The following MTCL3 variants were observed in gnomAD, a reference collection of about 807,000 sequenced individuals.
The protein encoded by MTCL3 is microtubule cross-linking factor 3.
chr6:127,514,283 T>C, the MTCL3 span, among the ~76,000 whole-genome samples: 3 of 151,968 alleles, frequency 2.0e-5, no homozygotes, highest in Non-Finnish European at 1.5e-5. Context: ...TTTTTCCCCC[T>C]CAGGGAGTCA....
the MTCL3 span, among the ~76,000 whole-genome samples, chr6:127,485,657 G>A: frequency 2.6e-5 from 4 of 152,092 alleles, no homozygotes. Context: ...TCATTTCATA[G>A]GTATTTAGTT....
the MTCL3 span, among the ~76,000 whole-genome samples, chr6:127,478,743 G>A: frequency 6.6e-6 from 1 of 152,240 alleles, no homozygotes; most frequent in Non-Finnish European, 1.5e-5. Context: ...ATATGGCCAG[G>A]CGCGGTCACT....
chr6:127,500,616 T>C, the MTCL3 span, among the ~76,000 whole-genome samples: 27 of 152,184 alleles, frequency 1.8e-4, no homozygotes, highest in African/African-American at 4.6e-4. Flanking sequence ...CAGATTATTT[T>C]ATCACCTAGG....
the MTCL3 span, chr6:127,515,911 C>T: frequency 3.1e-6 from 5 of 1,611,194 alleles, no homozygotes; most frequent in South Asian, 4.4e-5. The surrounding 1 kb of genome is among the most constrained non-coding windows in gnomAD (Gnocchi z 4.3). Context: ...AACGCCGCTT[C>T]CGGAGTTTCT....
At chr6:127,493,081 A>G in the MTCL3 span, among the ~76,000 whole-genome samples, 2 of 152,156 alleles carry the variant, frequency 1.3e-5, no homozygotes, top group Non-Finnish European at 1.5e-5. Context: ...GCCTTTATCT[A>G]TGCCTCTGAT....
At chr6:127,481,494 A>G in the MTCL3 span, 15 of 985,090 alleles carry the variant, frequency 1.5e-5, no homozygotes, top group Non-Finnish European at 1.8e-5. Flanking sequence ...AAAACAGAGC[A>G]GGAACAGAGC....
the MTCL3 span, chr6:127,476,019 C>A: frequency 6.2e-7 from 1 of 1,611,354 alleles, no homozygotes; most frequent in South Asian, 1.1e-5. The surrounding 1 kb of genome is among the most constrained non-coding windows in gnomAD (Gnocchi z 4.4). Context: ...TGCGCTTGTT[C>A]TGCTCCTCCA....
the MTCL3 span, among the ~76,000 whole-genome samples, chr6:127,494,566 C>T: frequency 7.9e-5 from 12 of 152,136 alleles, no homozygotes; most frequent in Non-Finnish European, 1.6e-4. Flanking sequence ...AAAATATTTC[C>T]TGGATCCTTA....
the MTCL3 span, chr6:127,516,388 T>A: frequency 1.1e-5 from 18 of 1,600,472 alleles, no homozygotes; most frequent in Non-Finnish European, 1.4e-5. Context: ...TTGCTGCTGC[T>A]GCAGCTGCTG....
At chr6:127,499,835 G>A in the MTCL3 span, among the ~76,000 whole-genome samples, 1 of 152,266 alleles carries the variant, frequency 6.6e-6, no homozygotes, top group African/African-American at 2.4e-5. Flanking sequence ...GTGGAAGGTG[G>A]GAGAAGAGAT....
the MTCL3 span, among the ~76,000 whole-genome samples, chr6:127,487,124 A>G: frequency 2.0e-5 from 3 of 152,212 alleles, no homozygotes; most frequent in African/African-American, 7.2e-5. Context: ...CATTGTCTGA[A>G]GCACACAATG....
chr6:127,514,056 T>C, the MTCL3 span, among the ~76,000 whole-genome samples: 1 of 152,228 alleles, frequency 6.6e-6, no homozygotes, highest in Non-Finnish European at 1.5e-5. Flanking sequence ...TATACTTATT[T>C]GGTTGTGCAA....
chr6:127,477,964 A>T, the MTCL3 span, among the ~76,000 whole-genome samples: 866 of 152,316 alleles, frequency 5.7e-3, 9 homozygotes, highest in African/African-American at 0.02. Context: ...TAAAAGAAAA[A>T]AAAATAGAGC....
At chr6:127,512,930 T>G in the MTCL3 span, 23 of 1,612,390 alleles carry the variant, frequency 1.4e-5, no homozygotes, top group African/African-American at 2.9e-4. Context: ...AAGCTTGCTT[T>G]GCAATTTCAA....
the MTCL3 span, chr6:127,481,250 A>G: frequency 2.1e-6 from 2 of 948,610 alleles, no homozygotes; most frequent in Non-Finnish European, 1.3e-6. Flanking sequence ...TAAACAAGGT[A>G]GGAAAGAAGA....
chr6:127,518,711 C>T, the MTCL3 span: 1 of 152,328 alleles, frequency 6.6e-6, no homozygotes, highest in Non-Finnish European at 1.5e-5. Flanking sequence ...TTATTGTATG[C>T]GACTTTCCGG....
chr6:127,486,895 T>C, the MTCL3 span, among the ~76,000 whole-genome samples: 5 of 152,172 alleles, frequency 3.3e-5, no homozygotes, highest in African/African-American at 4.8e-5. Flanking sequence ...CAGAGAAGAA[T>C]GTGCCTAACA....
At chr6:127,492,583 C>T in the MTCL3 span, among the ~76,000 whole-genome samples, 8,826 of 152,192 alleles carry the variant, frequency 0.058, 357 homozygotes, top group Non-Finnish European at 0.089. Flanking sequence ...TGCAGTGGCC[C>T]GATCTCGGCT....
chr6:127,487,724 G>A, the MTCL3 span, among the ~76,000 whole-genome samples: 1 of 152,130 alleles, frequency 6.6e-6, no homozygotes. Flanking sequence ...GGTCCAGAGG[G>A]GAATGTGGGT....
Sources: allele counts gnomAD v4.1 joint callset (sites outside exome capture counted in the v4.1 genomes callset), GRCh38; gene constraint gnomAD v4.1.1; non-coding constraint Gnocchi (gnomAD v3.1); transcripts MANE v1.5; gene names NCBI Gene and HGNC (gene_info 2026-07-23, HGNC 2026-07-21).